SLC35D4: variants seen among roughly 807,000 people sequenced by gnomAD.
SLC35D4 encodes the protein UDP-N-acetylglucosamine transporter SLC35D4.
At chr18:23,323,890 C>T in the SLC35D4 span, among the ~76,000 whole-genome samples, 1,445 of 151,976 alleles carry the variant, frequency 9.5e-3, 24 homozygotes, top group African/African-American at 0.033. Flanking sequence ...ACCAGCCTGG[C>T]CAACATAGTG....
the SLC35D4 span, among the ~76,000 whole-genome samples, chr18:23,393,469 A>C: frequency 6.6e-6 from 1 of 152,028 alleles, no homozygotes; most frequent in Non-Finnish European, 1.5e-5. Context: ...TATAAATTTC[A>C]TTACTCTAAG....
At chr18:23,391,702 G>T in the SLC35D4 span, among the ~76,000 whole-genome samples, 1 of 151,850 alleles carries the variant, frequency 6.6e-6, no homozygotes, top group African/African-American at 2.4e-5. Flanking sequence ...TGCTTAGGCT[G>T]GTCTCGAACT....
chr18:23,257,079 G>C, the SLC35D4 span: 4 of 845,472 alleles, frequency 4.7e-6, no homozygotes, highest in East Asian at 1.1e-4. Flanking sequence ...AGCACAGCCT[G>C]TGCCTCCCTT....
the SLC35D4 span, chr18:23,298,171 T>A: frequency 7.5e-7 from 1 of 1,331,868 alleles, no homozygotes; most frequent in Non-Finnish European, 1.1e-6. Flanking sequence ...ATCCTGCAAC[T>A]GAGACTCATC....
At chr18:23,418,183 T>TTGGATTAGCTAAGCATACA in the SLC35D4 span, among the ~76,000 whole-genome samples, 1 of 152,030 alleles carries the variant, frequency 6.6e-6, no homozygotes, top group Non-Finnish European at 1.5e-5. Context: ...AACTTCTCCT[T>TTGGATTAGCTAAGCATACA]TGGATTAGCT....
the SLC35D4 span, among the ~76,000 whole-genome samples, chr18:23,374,110 A>G: frequency 6.6e-6 from 1 of 152,236 alleles, no homozygotes; most frequent in Non-Finnish European, 1.5e-5. Flanking sequence ...ATCCCCAAAA[A>G]TATACAAGTG....
At chr18:23,401,257 G>C in the SLC35D4 span, among the ~76,000 whole-genome samples, 10 of 152,210 alleles carry the variant, frequency 6.6e-5, no homozygotes, top group Non-Finnish European at 1.5e-4. Context: ...ATTGAGGTCT[G>C]TCTGGCTCCA....
chr18:23,412,441 C>T, the SLC35D4 span, among the ~76,000 whole-genome samples: 1 of 152,224 alleles, frequency 6.6e-6, no homozygotes, highest in South Asian at 2.1e-4. Context: ...CTGCATATTA[C>T]ATCACTAATT....
chr18:23,309,697 G>A, the SLC35D4 span: 2 of 1,614,022 alleles, frequency 1.2e-6, no homozygotes, highest in African/African-American at 2.7e-5. Flanking sequence ...TGGTTGCACT[G>A]GTCAGGATCG....
At chr18:23,262,073 C>T in the SLC35D4 span, among the ~76,000 whole-genome samples, 50 of 152,200 alleles carry the variant, frequency 3.3e-4, no homozygotes, top group African/African-American at 1.0e-3. Flanking sequence ...ACCATTCCTC[C>T]GTATTAGCAT....
chr18:23,247,530 G>A, the SLC35D4 span, among the ~76,000 whole-genome samples: 5 of 152,334 alleles, frequency 3.3e-5, no homozygotes, highest in East Asian at 3.9e-4. Context: ...GCAGCTGAGC[G>A]GGAGCAGGAC....
chr18:23,432,851 C>G, the SLC35D4 span, among the ~76,000 whole-genome samples: 1 of 151,376 alleles, frequency 6.6e-6, no homozygotes, highest in South Asian at 2.1e-4. Flanking sequence ...CATGGTTGTG[C>G]AAGCTGTGCT....
chr18:23,292,762 G>A, the SLC35D4 span, among the ~76,000 whole-genome samples: 8 of 152,176 alleles, frequency 5.3e-5, no homozygotes, highest in African/African-American at 1.4e-4. Context: ...AATGTCCCCT[G>A]CACTACCATT....
the SLC35D4 span, among the ~76,000 whole-genome samples, chr18:23,436,910 A>G: frequency 6.6e-6 from 1 of 152,202 alleles, no homozygotes; most frequent in East Asian, 1.9e-4. Flanking sequence ...CTGTTTGTCG[A>G]TGGTTCTTTT....
the SLC35D4 span, among the ~76,000 whole-genome samples, chr18:23,326,684 G>T: frequency 6.6e-6 from 1 of 152,168 alleles, no homozygotes; most frequent in Admixed American, 6.5e-5. Context: ...CTTGAACTCA[G>T]CTCTGCCACA....
chr18:23,309,326 C>T, the SLC35D4 span, among the ~76,000 whole-genome samples: 1 of 151,580 alleles, frequency 6.6e-6, no homozygotes, highest in Admixed American at 6.6e-5. Context: ...TATGCATATA[C>T]ATACATATAT....
the SLC35D4 span, among the ~76,000 whole-genome samples, chr18:23,425,686 T>A: frequency 2.0e-5 from 3 of 152,162 alleles, no homozygotes; most frequent in Non-Finnish European, 2.9e-5. Context: ...GAAGTATGGT[T>A]TCTACTGAAA....
chr18:23,369,839 C>A, the SLC35D4 span, among the ~76,000 whole-genome samples: 1 of 152,320 alleles, frequency 6.6e-6, no homozygotes, highest in South Asian at 2.1e-4. Flanking sequence ...CATGATACCA[C>A]AAGTCTCAGC....
the SLC35D4 span, among the ~76,000 whole-genome samples, chr18:23,422,665 T>C: frequency 6.6e-6 from 1 of 152,192 alleles, no homozygotes; most frequent in Non-Finnish European, 1.5e-5. Context: ...TACTCGCTTG[T>C]TTTAAAAACA....
Sources: gnomAD v4.1 joint callset for allele counts (sites outside exome capture counted in the v4.1 genomes callset) on GRCh38, gnomAD v4.1.1 for gene constraint, MANE v1.5 for transcripts, NCBI Gene and HGNC (gene_info 2026-07-23, HGNC 2026-07-21) for gene names.